CAPN13: variants seen among roughly 807,000 people sequenced by gnomAD.
CAPN13 encodes the protein calpain 13.
Under a neutral mutation model 98.4 loss-of-function variants are expected in CAPN13, and 90 were observed. The ratio of observed to expected loss-of-function variants is 0.92; its 90% CI spans 0.77 to 1.09. The LOEUF is 1.09. Among genes scored for constraint, CAPN13 ranks in the 50% least tolerant of loss-of-function variants. The pLI is 0.00. For missense variants in CAPN13, 887 were observed against 841.3 expected, an observed-to-expected ratio of 1.05 and a Z score of -0.67; for synonymous variants, 330 against 305.5, an observed-to-expected ratio of 1.08 and a Z score of -0.84.
intron 15 of CAPN13, among the ~76,000 whole-genome samples, chr2:30,740,082 GTTTTTTTTTTTT>G (rs143581068): frequency 1.6e-5 from 2 of 121,406 alleles, no homozygotes; most frequent in East Asian, 2.4e-4. Flanking sequence ...ATTGTATTAG[GTTTTTTTTTTTT>G]TTTTTTTTTT....
At position 30,764,123 on chromosome 2, in the gene CAPN13, G is replaced by A. The variant is rs579016; in HGVS notation, c.699+9C>T. On this transcript the variant is annotated intron_variant, in intron 6 of 22. Coordinates refer to ENST00000295055, the MANE Select transcript of CAPN13 (RefSeq NM_144575.3). ...TGAACTGGTGCAAAAGGGCTCCCCA[G>A]TGACTTACCCCACTTGGAGTGGCAC... is the stretch of plus-strand genomic sequence containing the variant. 5 of 1,557,222 alleles carry A rather than the reference G, an allele frequency of 3.2e-6. No individual in the cohort carries two copies. The highest frequency in any genetic ancestry group is 4.3e-6 in the Non-Finnish European group (5 of 1,150,260).
chr2:30,738,732 T>TA (rs757889230), intron 15 of CAPN13, among the ~76,000 whole-genome samples: 19 of 152,200 alleles, frequency 1.2e-4, no homozygotes, highest in Non-Finnish European at 2.4e-4. Flanking sequence ...GAAAGCAGTT[T>TA]AGTCCTTGCC....
chr2:30,751,530 A>G (rs915524002), intron 10 of CAPN13, among the ~76,000 whole-genome samples: 1 of 152,252 alleles, frequency 6.6e-6, no homozygotes, highest in African/African-American at 2.4e-5. Context: ...ATGATAAGTG[A>G]AATTCCAGAG....
At chr2:30,759,152 T>TTATC (rs1208191687) in intron 7 of CAPN13, among the ~76,000 whole-genome samples, 1 of 133,256 alleles carries the variant, frequency 7.5e-6, no homozygotes, top group South Asian at 2.7e-4. Flanking sequence ...TTCCCCTTCC[T>TTATC]TTTTTCCTCC....
chr2:30,728,636 G>A (rs1389954924), intron 22 of CAPN13, among the ~76,000 whole-genome samples: 1 of 152,216 alleles, frequency 6.6e-6, no homozygotes, highest in Non-Finnish European at 1.5e-5. Flanking sequence ...GGGTCCAGAG[G>A]AGACAGGCTC....
chr2:30,731,316 C>T, intron 21 of CAPN13, 28 bp downstream of exon 21: 2 of 1,595,780 alleles, frequency 1.3e-6, no homozygotes, highest in Non-Finnish European at 1.7e-6. Flanking sequence ...GGGACTGTGC[C>T]TGCCCCGGGG....
chr2:30,741,819 C>A, intron 15 of CAPN13, 89 bp downstream of exon 15: 1 of 1,602,220 alleles, frequency 6.2e-7, no homozygotes. Flanking sequence ...CTCCTCTCTG[C>A]ATCCCAGTAA....
chr2:30,738,197 G>C, intron 17 of CAPN13, 38 bp downstream of exon 17: 1 of 1,611,768 alleles, frequency 6.2e-7, no homozygotes, highest in Non-Finnish European at 8.5e-7. Context: ...AGAGCTGAGG[G>C]GTGCTCAGAG....
intron 15 of CAPN13, 22 bp downstream of exon 15, chr2:30,741,886 C>T: frequency 6.2e-7 from 1 of 1,613,872 alleles, no homozygotes; most frequent in South Asian, 1.1e-5. Context: ...CACGTAAGGC[C>T]CCTGGGTGCT....
At chr2:30,724,804 C>T (rs1027449497) in intron 22 of CAPN13, among the ~76,000 whole-genome samples, 1 of 152,158 alleles carries the variant, frequency 6.6e-6, no homozygotes, top group Admixed American at 6.5e-5. Flanking sequence ...CAGTCTTCAA[C>T]CGAACATCTA....
Position 30,787,100 on chromosome 2 carries a change from T to C in CAPN13, c.198+28A>G, listed in dbSNP as rs549875033. ...CAGGCGACTCCGAGGACCCTGGAGCTGGGTATGCTCGTGTGGGGCTCACTC... is the reference window on the plus strand; with the variant it reads ...CAGGCGACTCCGAGGACCCTGGAGCCGGGTATGCTCGTGTGGGGCTCACTC... On this transcript the variant is annotated intron_variant, in intron 2 of 22. Coordinates refer to ENST00000295055, the MANE Select transcript of CAPN13 (RefSeq NM_144575.3). The C allele has an allele frequency of 1.5e-4, 232 of 1,503,686 alleles. 1 individual carries two copies. In the South Asian group the frequency reaches 2.8e-3, roughly 18 times the overall value. 93.1% of individuals were successfully genotyped at this position (1,503,686 alleles called of 1,614,324 possible).
chr2:30,738,248 A>T lies in CAPN13; in HGVS notation c.1640T>A (p.Val547Glu). ...MFSLDECRSL[V>E]ALMELKVNGR... ...CGCAAAGGATACTTCCATCAGAGCC[A>T]CCAAGCTGCGGCACTCATCTAAGGA... The change falls in exon 17 of 23, where the codon GTG becomes GAG. Residue 547 changes from valine (V) to glutamate (E), a missense_variant. Physicochemically the swap from Val to Glu is moderately radical, Grantham distance 121. Transcript: ENST00000295055. 3.7e-6 allele frequency: 6 copies of T among 1,613,986 alleles called. No homozygotes were observed. The highest frequency in any genetic ancestry group is 5.1e-6 in the Non-Finnish European group (6 of 1,179,880).
intron 3 of CAPN13, 52 bp from the exon 4 acceptor site, chr2:30,776,097 T>TC: frequency 8.2e-7 from 1 of 1,215,606 alleles, no homozygotes. Context: ...TTGGAAACCC[T>TC]CCCCCATAAT....
At chr2:30,744,566 G>A (rs1671814198) in intron 12 of CAPN13, among the ~76,000 whole-genome samples, 1 of 152,180 alleles carries the variant, frequency 6.6e-6, no homozygotes, top group South Asian at 2.1e-4. Context: ...GGCATGCAGA[G>A]GTGTGTGGGC....
intron 8 of CAPN13, among the ~76,000 whole-genome samples, chr2:30,757,582 G>A (rs919639395): frequency 2.0e-5 from 3 of 152,176 alleles, no homozygotes; most frequent in Non-Finnish European, 4.4e-5. Flanking sequence ...CCCCAGTTAG[G>A]ACACCTTTTC....
At chr2:30,751,880 G>A (rs539619071) in intron 10 of CAPN13, among the ~76,000 whole-genome samples, 33 of 152,334 alleles carry the variant, frequency 2.2e-4, no homozygotes, top group Admixed American at 7.8e-4. Flanking sequence ...AGAAGATGGT[G>A]CATTAAAATG....
At chr2:30,772,010 C>T (rs970592519) in intron 4 of CAPN13, among the ~76,000 whole-genome samples, 5 of 152,294 alleles carry the variant, frequency 3.3e-5, no homozygotes, top group South Asian at 2.1e-4. Context: ...GAGTAAGTCC[C>T]GGCTCGAATG....
intron 22 of CAPN13, among the ~76,000 whole-genome samples, chr2:30,727,370 CAA>C (rs1670893151): frequency 6.6e-6 from 1 of 152,092 alleles, no homozygotes; most frequent in African/African-American, 2.4e-5. Flanking sequence ...TCAAAAACTG[CAA>C]AGACAACCTG....
At chr2:30,785,998 A>C (rs1674256720) in intron 2 of CAPN13, among the ~76,000 whole-genome samples, 1 of 150,928 alleles carries the variant, frequency 6.6e-6, no homozygotes. Flanking sequence ...CCTTCCCTTC[A>C]CCAAAGCTTC....
Sources: allele counts gnomAD v4.1 joint callset (sites outside exome capture counted in the v4.1 genomes callset), GRCh38; gene constraint gnomAD v4.1.1; transcripts MANE v1.5; gene names NCBI Gene and HGNC (gene_info 2026-07-23, HGNC 2026-07-21).